Variants in FNBP4 observed in about 807,000 individuals in gnomAD.
FNBP4 encodes formin binding protein 4, also known as formin-binding protein 4.
A neutral mutation model predicts 119.3 loss-of-function variants in FNBP4; 34 were observed. The observed-to-expected ratio is 0.28, with a 90% CI of 0.22 to 0.38. FNBP4 has a LOEUF of 0.38. Among genes scored for constraint, FNBP4 ranks in the 10% least tolerant of loss-of-function variants. The pLI is 1.00. For missense variants in FNBP4, 1,112 were observed against 1,228.9 expected (o/e 0.90, Z 1.42); for synonymous variants, 462 against 430.6 (o/e 1.07, Z -0.90).
intron 14 of FNBP4, among the ~76,000 whole-genome samples, chr11:47,723,762 C>T (rs1165942162): frequency 6.6e-6 from 1 of 152,046 alleles, no homozygotes; most frequent in Non-Finnish European, 1.5e-5. Context: ...AGGCTTTTGC[C>T]GTGTTGCCCA....
rs541576545 is a variant in FNBP4, at chr11:47,754,916, G to A, written c.314-252C>T. ...CCAGCACTTTGGGAGGCCGAGGTGGGTGGATCATGAGGTCAGGCGTTTTGA... is the reference window on the plus strand; with the variant it reads ...CCAGCACTTTGGGAGGCCGAGGTGGATGGATCATGAGGTCAGGCGTTTTGA... On this transcript the variant is annotated intron_variant, in intron 2 of 16. Transcript: ENST00000263773. Among the ~76,000 whole-genome samples, 6 of 152,126 alleles carry A rather than the reference G, an allele frequency of 3.9e-5. No individual in the cohort carries two copies. In the East Asian group the frequency reaches 1.2e-3, roughly 29 times the overall value.
intron 13 of FNBP4, 140 bp from the exon 14 acceptor site, chr11:47,724,312 G>A (rs2097558755): frequency 1.3e-6 from 2 of 1,514,398 alleles, no homozygotes; most frequent in African/African-American, 1.4e-5. Context: ...AGCCTCCTGG[G>A]CTTAAGCAAT....
intron 8 of FNBP4, among the ~76,000 whole-genome samples, chr11:47,737,641 T>C (rs575806173): frequency 1.1e-4 from 17 of 152,100 alleles, no homozygotes; most frequent in East Asian, 7.7e-4. Flanking sequence ...GGTTTCACCA[T>C]GTTGCCCAGG....
rs117655767 is a variant in FNBP4 at position 47,739,658 on chromosome 11, C to T, written c.1457-2918G>A. Among the ~76,000 whole-genome samples the T allele has an allele frequency of 4.2e-3, 641 of 152,312 alleles. 28 individuals are homozygous for T. In the East Asian group the frequency reaches 0.1, roughly 25 times the overall value. On this transcript the variant is annotated intron_variant, in intron 8 of 16. Transcript: ENST00000263773. ...GAATAAAATTAGCTCAGTGAGGTGGCACAAGCCTATAATTCCAGCACTTTG... is the reference window on the plus strand; with the variant it reads ...GAATAAAATTAGCTCAGTGAGGTGGTACAAGCCTATAATTCCAGCACTTTG...
intron 2 of FNBP4, among the ~76,000 whole-genome samples, chr11:47,755,124 A>C (rs1599248096): frequency 1.4e-5 from 2 of 139,558 alleles, no homozygotes; most frequent in African/African-American, 2.7e-5. Flanking sequence ...AAAGAGTAAG[A>C]CTCTGTCTCC....
intron 6 of FNBP4, among the ~76,000 whole-genome samples, chr11:47,748,552 G>C (rs1292289604): frequency 6.6e-6 from 1 of 151,806 alleles, no homozygotes. Context: ...TTTTTCTTTT[G>C]TAGAGATGGG....
chr11:47,755,112 CAA>C (rs1425999808), intron 2 of FNBP4, among the ~76,000 whole-genome samples: 7 of 143,396 alleles, frequency 4.9e-5, no homozygotes, highest in Non-Finnish European at 1.5e-5. Flanking sequence ...CCACCCTGGG[CAA>C]AAGAGTAAGA....
At position 47,754,606 on chromosome 11, in the gene FNBP4, G is replaced by A. The variant is rs749655389; in HGVS notation, c.372C>T (p.Ser124=). The change falls in exon 3 of 17, where the codon TCC becomes TCT. Residue 124 remains serine (S), a synonymous_variant. Transcript: ENST00000263773. The part of the protein sequence containing the change: ...ADSDDDDNDV[S]EKLAQSKETN... ...TCTCTTTGGATTGTGCTAGTTTTTCGGAAACATCATTGTCATCGTCATCAC... is the reference window on the plus strand; with the variant it reads ...TCTCTTTGGATTGTGCTAGTTTTTCAGAAACATCATTGTCATCGTCATCAC... 1.2e-5 allele frequency: 20 copies of A among 1,614,034 alleles called. No individual in the cohort carries two copies. The highest frequency in any genetic ancestry group is 1.6e-5 in the Non-Finnish European group (19 of 1,180,006).
chr11:47,755,610 C>G (rs954072661), intron 2 of FNBP4, among the ~76,000 whole-genome samples: 2 of 148,412 alleles, frequency 1.3e-5, no homozygotes, highest in African/African-American at 5.0e-5. Flanking sequence ...ATAGTGAGAC[C>G]TTGTCTATCC....
In FNBP4 at chr11:47,744,131, A is replaced by G. The variant is rs574617543; in HGVS notation, c.1278T>C (p.Gly426=). 31 of 1,614,094 alleles carry G rather than the reference A, an allele frequency of 1.9e-5. No individual in the cohort carries two copies. The Admixed American group carries it at 4.0e-4, about 21-fold the overall frequency. The change falls in exon 8 of 17, where the codon GGT becomes GGC. Residue 426 remains glycine, a synonymous_variant. Transcript: ENST00000263773. ...AELRALEEGD[G]SVSGSSPRSD... is the part of the protein sequence containing the mutation. ...AACGTGGACTAGACCCTGACACACT[A>G]CCATCTCCTTCCTCCAAGGCTCGCA...
Position 47,736,713 on chromosome 11 carries a change from A to AT in FNBP4, c.1483dup (p.Ile495AsnfsTer3), listed in dbSNP as rs761053163. On this transcript the variant is annotated frameshift_variant, in exon 9 of 17. Transcript: ENST00000263773. LOFTEE classifies it high-confidence loss of function. ...CATCTCTTTATCTGAATTCTCATCT[A>AT]TTTTTTCTGAATTTTCAGCACCAAT... is the stretch of plus-strand genomic sequence containing the variant. 3 of 1,603,204 alleles carry AT rather than the reference A, an allele frequency of 1.9e-6. No individual in the cohort carries two copies. The highest frequency in any genetic ancestry group is 2.2e-5 in the East Asian group (1 of 44,758).
chr11:47,719,582 G>A (rs1252703550), intron 16 of FNBP4, among the ~76,000 whole-genome samples: 1 of 46,004 alleles, frequency 2.2e-5, no homozygotes, highest in Admixed American at 2.9e-4. Flanking sequence ...GTGTATGTGT[G>A]TGTGTGTGTG....
intron 9 of FNBP4, among the ~76,000 whole-genome samples, chr11:47,735,938 C>T (rs901205801): frequency 1.2e-4 from 18 of 151,928 alleles, no homozygotes; most frequent in Non-Finnish European, 2.2e-4. Flanking sequence ...ATTAGCCAGG[C>T]GTGGTGGCGG....
intron 16 of FNBP4, among the ~76,000 whole-genome samples, chr11:47,719,671 C>T (rs535543318): frequency 6.6e-6 from 1 of 151,220 alleles, no homozygotes; most frequent in Admixed American, 6.6e-5. Flanking sequence ...TTAAGACAGG[C>T]CTTTGCCTAA....
chr11:47,733,936 A>G, intron 10 of FNBP4, 89 bp downstream of exon 10: 1 of 594,812 alleles, frequency 1.7e-6, no homozygotes, highest in Non-Finnish European at 2.7e-6. Context: ...TTAGGCTTAA[A>G]ATGTAAGCAA....
At chr11:47,761,520 C>T (rs1316539301) in intron 2 of FNBP4, among the ~76,000 whole-genome samples, 6 of 151,868 alleles carry the variant, frequency 4.0e-5, no homozygotes, top group East Asian at 3.9e-4. Context: ...TTAACTCAGG[C>T]GACGGAGGTT....
intron 12 of FNBP4, among the ~76,000 whole-genome samples, chr11:47,727,773 G>A (rs181487574): frequency 7.1e-4 from 108 of 152,290 alleles, no homozygotes; most frequent in African/African-American, 2.5e-3. Flanking sequence ...ACACATGGAT[G>A]TCGTATTACA....
intron 2 of FNBP4, among the ~76,000 whole-genome samples, chr11:47,763,042 A>G (rs1406957660): frequency 1.3e-5 from 2 of 151,112 alleles, no homozygotes; most frequent in African/African-American, 2.4e-5. Context: ...CAGGGGCGTT[A>G]AAAACTAAGC....
chr11:47,748,440 A>C (rs947224864), intron 6 of FNBP4, among the ~76,000 whole-genome samples: 6 of 151,626 alleles, frequency 4.0e-5, no homozygotes, highest in African/African-American at 1.5e-4. Context: ...GCTGGAACAC[A>C]CTGGCACAAT....
Sources: gnomAD v4.1 joint callset for allele counts (sites outside exome capture counted in the v4.1 genomes callset) on GRCh38, gnomAD v4.1.1 for gene constraint, MANE v1.5 for transcripts, NCBI Gene and HGNC (gene_info 2026-07-23, HGNC 2026-07-21) for gene names.